MPRIP: variants seen among roughly 807,000 people sequenced by gnomAD.
The protein encoded by MPRIP is myosin phosphatase Rho-interacting protein.
MPRIP carries 59 observed loss-of-function variants against 234.9 expected under a neutral mutation model. The observed-to-expected ratio is 0.25, with a 90% CI of 0.20 to 0.31. The LOEUF (loss-of-function observed/expected upper bound fraction) is 0.31. Among genes scored for constraint, MPRIP ranks in the 10% least tolerant of loss-of-function variants. The pLI is 1.00. For missense variants in MPRIP, 2,436 were observed against 3,071.0 expected (o/e 0.79, Z 4.89); for synonymous variants, 1,144 against 1,263.9 (o/e 0.91, Z 2.01).
chr17:17,106,000 G>T lies in MPRIP; in HGVS notation c.268-20702G>T, dbSNP rs970987261. Among the ~76,000 whole-genome samples, 5 of 152,218 alleles carry T rather than the reference G, an allele frequency of 3.3e-5. 1 individual carries two copies. The highest frequency in any genetic ancestry group is 2.1e-4 in the South Asian group (1 of 4,834). ...TGCATCCCAGGTTCAGCTTGATGAA[G>T]TTTCACAGATTAAGCACACCTGTGT... On this transcript the variant is annotated intron_variant, in intron 3 of 23. Transcript: ENST00000651222.
intron 2 of MPRIP, chr17:17,077,799 T>C (rs2089369686): frequency 1.9e-6 from 1 of 540,484 alleles, no homozygotes; most frequent in African/African-American, 1.9e-5. Context: ...CAATCACTCA[T>C]GTGATTTGGG....
intron 1 of MPRIP, among the ~76,000 whole-genome samples, chr17:17,065,564 T>C (rs2088999133): frequency 6.6e-6 from 1 of 152,170 alleles, no homozygotes; most frequent in Non-Finnish European, 1.5e-5. Context: ...TACCACACAG[T>C]CTTCATTACT....
intron 1 of MPRIP, among the ~76,000 whole-genome samples, chr17:17,074,405 A>G (rs565666891): frequency 6.6e-6 from 1 of 152,344 alleles, no homozygotes; most frequent in East Asian, 1.9e-4. Flanking sequence ...CTGGTAAAAT[A>G]TAGCAGTGCC....
intron 1 of MPRIP, among the ~76,000 whole-genome samples, chr17:17,057,154 G>A (rs533978302): frequency 6.6e-6 from 1 of 152,216 alleles, no homozygotes; most frequent in African/African-American, 2.4e-5. Context: ...TGTCAGCCCT[G>A]CAGACTGCTG....
intron 2 of MPRIP, 191 bp downstream of exon 2, chr17:17,075,978 A>G (rs886951008): frequency 8.9e-6 from 5 of 561,386 alleles, no homozygotes; most frequent in Non-Finnish European, 1.3e-5. Context: ...AGTTGTGTGT[A>G]GTGCTCCCTT....
At chr17:17,074,368 G>A (rs148583433) in intron 1 of MPRIP, among the ~76,000 whole-genome samples, 109 of 152,346 alleles carry the variant, frequency 7.2e-4, no homozygotes, top group African/African-American at 2.4e-3. Context: ...AGCTCCTCCC[G>A]TGGTCTGGGG....
chr17:17,165,365 C>T lies in MPRIP; in HGVS notation c.3774C>T (p.Leu1258=). The change falls in exon 16 of 24, where the codon CTC becomes CTT. Residue 1258 remains leucine (L), a synonymous_variant. Coordinates refer to ENST00000651222, the MANE Select transcript of MPRIP (RefSeq NM_001364716.4). ...AAGCCACTAGGGCACCTCTAGGCCTCCCACACACAAGGCTCGAGGATGAGG... is the reference window on the plus strand; with the variant it reads ...AAGCCACTAGGGCACCTCTAGGCCTTCCACACACAAGGCTCGAGGATGAGG... ...PVQATRAPLG[L]PHTRLEDEDE... is the part of the protein sequence containing the mutation. The T allele has an allele frequency of 7.7e-7, 1 of 1,304,196 alleles. No individual in the cohort carries two copies. The highest frequency in any genetic ancestry group is 1.0e-6 in the Non-Finnish European group (1 of 988,970). The allele number at this position is 1,304,196 out of a possible 1,614,324, so 80.8% of individuals were successfully genotyped here. A position where few individuals can be genotyped will look rare whatever the true frequency, so the allele number is the denominator to read the frequency against.
At chr17:17,048,607 G>A (rs956226985) in intron 1 of MPRIP, among the ~76,000 whole-genome samples, 5 of 152,080 alleles carry the variant, frequency 3.3e-5, no homozygotes, top group South Asian at 2.1e-4. Flanking sequence ...TGTCATCAGC[G>A]AAACCCAAAT....
chr17:17,165,863 C>T lies in MPRIP; in HGVS notation c.4272C>T (p.Gly1424=). The T allele has an allele frequency of 7.7e-7, 1 of 1,304,152 alleles. No individual in the cohort carries two copies. The highest frequency in any genetic ancestry group is 1.0e-6 in the Non-Finnish European group (1 of 988,930). The allele number at this position is 1,304,152 out of a possible 1,614,324, so 80.8% of individuals were successfully genotyped here. A position where few individuals can be genotyped will look rare whatever the true frequency, so the allele number is the denominator to read the frequency against. ...ALLALHHQWA[G]TEAQLREQLR... is the part of the protein sequence containing the mutation. ...TCGCACTGCACCACCAGTGGGCGGG[C>T]ACCGAGGCCCAGCTGCGTGAGCAGC... is the stretch of plus-strand genomic sequence containing the variant. The change falls in exon 16 of 24, where the codon GGC becomes GGT. Residue 1424 remains glycine (G), a synonymous_variant. Transcript: ENST00000651222.
In MPRIP at chr17:17,166,241, G is replaced by A. The variant is rs751437528; in HGVS notation, c.4650G>A (p.Gln1550=). The change falls in exon 16 of 24, where the codon CAG becomes CAA. Residue 1550 remains glutamine (Q), a synonymous_variant. Coordinates refer to ENST00000651222, the MANE Select transcript of MPRIP (RefSeq NM_001364716.4). This position sits in a 1 kb window ranked among gnomAD's most constrained non-coding sequence, Gnocchi z 4.4. ...ATGGGAAGCCTGCCTCCCTGCAGCAGTGCTCCCAGTCTGAGTTGACAGAGC... is the reference window on the plus strand; with the variant it reads ...ATGGGAAGCCTGCCTCCCTGCAGCAATGCTCCCAGTCTGAGTTGACAGAGC... The part of the protein sequence containing the change: ...EENGKPASLQ[Q]CSQSELTEQE... 2 of 1,303,958 alleles carry A rather than the reference G, an allele frequency of 1.5e-6. No homozygotes were observed. The highest frequency in any genetic ancestry group is 2.5e-5 in the South Asian group (2 of 81,022). The allele number at this position is 1,303,958 out of a possible 1,614,324, so 80.8% of individuals were successfully genotyped here.
chr17:17,178,338 G>A (rs1597520919), intron 22 of MPRIP: 2 of 152,182 alleles, frequency 1.3e-5, no homozygotes, highest in East Asian at 1.9e-4. Flanking sequence ...CTTTTTTTCT[G>A]TCAGGCAAGG....
intron 23 of MPRIP, among the ~76,000 whole-genome samples, chr17:17,184,002 A>G (rs1421922902): frequency 6.6e-6 from 1 of 152,266 alleles, no homozygotes; most frequent in African/African-American, 2.4e-5. Flanking sequence ...AGATAAGTGA[A>G]GAGCCACAGC....
chr17:17,169,019 C>G (rs748932831), intron 16 of MPRIP: 1 of 456,874 alleles, frequency 2.2e-6, no homozygotes, highest in South Asian at 1.5e-5. Flanking sequence ...GGACTCGGCC[C>G]CACCCAGACA....
chr17:17,098,063 C>T (rs1364252120), intron 3 of MPRIP, among the ~76,000 whole-genome samples: 2 of 152,216 alleles, frequency 1.3e-5, no homozygotes, highest in Non-Finnish European at 2.9e-5. Context: ...TGTTGCCTCC[C>T]TGCGCTGCTT....
Position 17,136,361 on chromosome 17 carries a change from G to T in MPRIP, c.647G>T (p.Gly216Val). 1 of 1,611,214 alleles carries T rather than the reference G, an allele frequency of 6.2e-7. No homozygotes were observed. The highest frequency in any genetic ancestry group is 8.5e-7 in the Non-Finnish European group (1 of 1,178,694). The change falls in exon 6 of 24, where the codon GGC (glycine) becomes GTC (valine). Residue 216 changes from glycine (G) to valine (V), a missense_variant. Gly to Val is a moderately radical substitution (Grantham distance 109). Around this residue, in one of 4 missense-constraint regions of MPRIP, gnomAD observed 31 missense variants for 90.7 expected, o/e 0.34. Coordinates refer to ENST00000651222, the MANE Select transcript of MPRIP (RefSeq NM_001364716.4). Reference sequence around the variant, plus strand: ...ATGAGGACCAAGGACCAGCCAGATGGCAGCAGCCTGAGTCCAGCTCAGAGT... The same window carrying T: ...ATGAGGACCAAGGACCAGCCAGATGTCAGCAGCCTGAGTCCAGCTCAGAGT... The part of the protein sequence containing the change: ...EEMRTKDQPD[G>V]SSLSPAQSPS...
At chr17:17,059,916 C>T (rs2088820681) in intron 1 of MPRIP, among the ~76,000 whole-genome samples, 1 of 152,168 alleles carries the variant, frequency 6.6e-6, no homozygotes, top group Non-Finnish European at 1.5e-5. Context: ...CTTTTCCTTC[C>T]CCAAGTACTC....
At chr17:17,134,680 G>C (rs1208232141) in intron 5 of MPRIP, among the ~76,000 whole-genome samples, 1 of 152,174 alleles carries the variant, frequency 6.6e-6, no homozygotes, top group Admixed American at 6.5e-5. Context: ...CCCACCCAAG[G>C]CAGTGCCCCA....
intron 1 of MPRIP, among the ~76,000 whole-genome samples, chr17:17,056,389 A>G (rs1356255566): frequency 6.6e-6 from 1 of 152,190 alleles, no homozygotes; most frequent in East Asian, 1.9e-4. Flanking sequence ...TGTCAAGACC[A>G]AACAGGGAAG....
At chr17:17,136,575 C>A in intron 6 of MPRIP, 125 bp downstream of exon 6, 1 of 924,294 alleles carries the variant, frequency 1.1e-6, no homozygotes, top group Non-Finnish European at 1.6e-6. Context: ...TTCCCTTTGT[C>A]CATCAGCCCT....
Sources: gnomAD v4.1 joint callset for allele counts (sites outside exome capture counted in the v4.1 genomes callset) on GRCh38, gnomAD v4.1.1 for gene constraint, gnomAD v4.1.1 regional missense constraint, Gnocchi (gnomAD v3.1) non-coding constraint, MANE v1.5 for transcripts, NCBI Gene and HGNC (gene_info 2026-07-23, HGNC 2026-07-21) for gene names.